MGAT4C: variants seen among roughly 807,000 people sequenced by gnomAD.
The protein encoded by MGAT4C is alpha-1,3-mannosyl-glycoprotein 4-beta-N-acetylglucosaminyltransferase C.
A neutral mutation model predicts 40.1 loss-of-function variants in MGAT4C; 19 were observed. The observed-to-expected ratio is 0.47, with a 90% CI of 0.33 to 0.70. The LOEUF (loss-of-function observed/expected upper bound fraction) is 0.70, where lower values mean the gene tolerates loss of function less well. Among genes scored for constraint, MGAT4C ranks in the 30% least tolerant of loss-of-function variants. MGAT4C has a pLI of 0.02. For missense variants in MGAT4C, 491 were observed against 563.2 expected (o/e 0.87, Z 1.30); for synonymous variants, 181 against 187.1 (o/e 0.97, Z 0.27).
At chr12:86,406,494 C>G (rs1323591716) in intron 3 of MGAT4C, among the ~76,000 whole-genome samples, 3 of 151,898 alleles carry the variant, frequency 2.0e-5, no homozygotes, top group African/African-American at 7.3e-5. Context: ...AAAAGTTGTT[C>G]AACATCATTA....
intron 3 of MGAT4C, among the ~76,000 whole-genome samples, chr12:86,334,698 C>T (rs758560461): frequency 1.3e-5 from 2 of 151,998 alleles, no homozygotes; most frequent in Non-Finnish European, 2.9e-5. Context: ...TCCTTTATAG[C>T]CGCAATAATT....
At chr12:86,005,878 C>T (rs1441593486) in intron 2 of MGAT4C, among the ~76,000 whole-genome samples, 6 of 152,022 alleles carry the variant, frequency 3.9e-5, no homozygotes, top group South Asian at 4.1e-4. Context: ...TTTTGGTTAT[C>T]TTTGATAAAA....
Position 85,967,379 on chromosome 12 carries a change from T to A in MGAT4C, c.*11910A>T, listed in dbSNP as rs946525810. 9.2e-5 allele frequency: 14 copies of A among 152,154 alleles called. No individual in the cohort carries two copies. The highest frequency in any genetic ancestry group is 2.0e-4 in the Admixed American group (3 of 15,262). 9.4% of individuals were successfully genotyped at this position (152,154 alleles called of 1,614,324 possible). On this transcript the variant is annotated 3_prime_UTR_variant, in exon 5 of 5. Transcript: ENST00000611864. ...GGTTATCTTGAAGCTGTCAAATAAT[T>A]ATAAGAAATCTCTATACATTACGTT...
intron 2 of MGAT4C, among the ~76,000 whole-genome samples, chr12:86,555,240 G>A (rs1220505660): frequency 6.6e-6 from 1 of 152,024 alleles, no homozygotes; most frequent in African/African-American, 2.4e-5. Flanking sequence ...GACATATTTA[G>A]TGTACCATTT....
intron 1 of MGAT4C, among the ~76,000 whole-genome samples, chr12:86,136,352 T>C (rs138647298): frequency 3.7e-4 from 57 of 152,230 alleles, no homozygotes; most frequent in African/African-American, 1.3e-3. Context: ...TATAATAAAA[T>C]GCCAGCTAGT....
At chr12:86,335,566 T>C (rs1954766926) in intron 3 of MGAT4C, among the ~76,000 whole-genome samples, 1 of 152,092 alleles carries the variant, frequency 6.6e-6, no homozygotes, top group Admixed American at 6.6e-5. Context: ...CCAAAATTTG[T>C]AGATGCTCAA....
At chr12:86,555,514 A>G (rs1959565927) in intron 2 of MGAT4C, among the ~76,000 whole-genome samples, 1 of 152,076 alleles carries the variant, frequency 6.6e-6, no homozygotes, top group Non-Finnish European at 1.5e-5. Flanking sequence ...TAAAGGGTGG[A>G]AGGCTACCCT....
chr12:86,330,203 A>G (rs1374008344), intron 4 of MGAT4C, among the ~76,000 whole-genome samples: 3 of 152,180 alleles, frequency 2.0e-5, no homozygotes, highest in Non-Finnish European at 4.4e-5. Context: ...AATGTTACAC[A>G]AAGAGGCCAA....
chr12:86,684,792 G>A (rs992815055), intron 2 of MGAT4C, among the ~76,000 whole-genome samples: 6 of 151,592 alleles, frequency 4.0e-5, no homozygotes, highest in Non-Finnish European at 7.4e-5. Context: ...ATGATGATGA[G>A]CTTTTTTTTT....
At chr12:86,070,475 T>A (rs1218166554) in intron 1 of MGAT4C, among the ~76,000 whole-genome samples, 1 of 152,084 alleles carries the variant, frequency 6.6e-6, no homozygotes, top group East Asian at 1.9e-4. Flanking sequence ...TAATCCACTT[T>A]TTTGTGTACA....
intron 1 of MGAT4C, among the ~76,000 whole-genome samples, chr12:86,768,101 T>C (rs9706217): frequency 0.74 from 111,687 of 151,928 alleles, 42,646 homozygotes; most frequent in South Asian, 0.86. Context: ...ATGACATGAT[T>C]GTATATCTAG....
At chr12:86,759,941 A>T (rs1951372240) in intron 1 of MGAT4C, among the ~76,000 whole-genome samples, 1 of 152,138 alleles carries the variant, frequency 6.6e-6, no homozygotes, top group Admixed American at 6.6e-5. Flanking sequence ...AATTCAATGG[A>T]AGCACAAAAG....
intron 1 of MGAT4C, among the ~76,000 whole-genome samples, chr12:86,090,585 G>A (rs540734052): frequency 1.3e-4 from 20 of 151,682 alleles, no homozygotes; most frequent in East Asian, 1.9e-4. Flanking sequence ...TTCTAATACC[G>A]CAATGAGAAG....
chr12:86,704,867 C>CT (rs1297247409), intron 2 of MGAT4C, among the ~76,000 whole-genome samples: 1 of 152,130 alleles, frequency 6.6e-6, no homozygotes, highest in African/African-American at 2.4e-5. Context: ...AACCATGTCA[C>CT]TGTCATAAAT....
rs368112362 is a variant in MGAT4C at position 86,550,254 on chromosome 12, C to T, written c.-228-114989G>A. Reference sequence around the variant, plus strand: ...TAAACCTCTTTCCTTTATAAACTACCCTGTCTCAGGTATTCTTTACAGCAG... The same window carrying T: ...TAAACCTCTTTCCTTTATAAACTACTCTGTCTCAGGTATTCTTTACAGCAG... On this transcript the variant is annotated intron_variant, in intron 2 of 7. Coordinates refer to the MGAT4C transcript ENST00000548651. Among the ~76,000 whole-genome samples the T allele has an allele frequency of 3.5e-3, 540 of 152,254 alleles. 12 individuals carry two copies. The South Asian group carries it at 0.051, about 14-fold the overall frequency.
intron 1 of MGAT4C, among the ~76,000 whole-genome samples, chr12:86,231,232 T>C (rs1263014816): frequency 6.6e-6 from 1 of 152,224 alleles, no homozygotes; most frequent in Non-Finnish European, 1.5e-5. Flanking sequence ...TTGCACATAT[T>C]TGAAAAGAGA....
chr12:85,996,512 C>T (rs894783046), intron 2 of MGAT4C, among the ~76,000 whole-genome samples: 1 of 152,108 alleles, frequency 6.6e-6, no homozygotes, highest in African/African-American at 2.4e-5. Context: ...AGAGTGTTTT[C>T]TTCGGCAACA....
intron 1 of MGAT4C, among the ~76,000 whole-genome samples, chr12:86,073,617 T>G (rs1271412916): frequency 6.6e-6 from 1 of 151,966 alleles, no homozygotes; most frequent in African/African-American, 2.4e-5. Context: ...GAACTGGAGT[T>G]AAGGCGACTC....
chr12:86,383,549 CAAA>C (rs1159593477), intron 3 of MGAT4C, among the ~76,000 whole-genome samples: 5,676 of 49,242 alleles, frequency 0.12, 30 homozygotes, highest in Middle Eastern at 0.21. Flanking sequence ...CACTTCGTCT[CAAA>C]AAAAAAAAAA....
Sources: gnomAD v4.1 joint callset for allele counts (sites outside exome capture counted in the v4.1 genomes callset) on GRCh38, gnomAD v4.1.1 for gene constraint, MANE v1.5 for transcripts, NCBI Gene and HGNC (gene_info 2026-07-23, HGNC 2026-07-21) for gene names.